The following NUP88 variants were observed in gnomAD, a reference collection of about 807,000 sequenced individuals.
The protein encoded by NUP88 is nuclear pore complex protein Nup88.
NUP88 carries 57 observed loss-of-function variants against 93.9 expected under a neutral mutation model. The ratio of observed to expected loss-of-function variants is 0.61; its 90% CI spans 0.49 to 0.76. The LOEUF (loss-of-function observed/expected upper bound fraction) is 0.76, where lower values mean the gene tolerates loss of function less well. Among genes scored for constraint, NUP88 ranks in the 30% least tolerant of loss-of-function variants. The pLI, the probability that NUP88 is intolerant of heterozygous loss-of-function variation, is 0.00. For missense variants in NUP88, 911 were observed against 901.0 expected, an observed-to-expected ratio of 1.01 and a Z score of -0.14; for synonymous variants, 346 against 336.8, an observed-to-expected ratio of 1.03 and a Z score of -0.30.
intron 6 of NUP88, 135 bp downstream of exon 6, chr17:5,404,922 T>C: frequency 2.4e-6 from 2 of 822,762 alleles, no homozygotes; most frequent in Non-Finnish European, 3.7e-6. Context: ...GCTACTTTTT[T>C]AACTGTTTAA....
chr17:5,387,304 GTAA>G, intron 14 of NUP88, 79 bp downstream of exon 14: 1 of 1,326,100 alleles, frequency 7.5e-7, no homozygotes, highest in Non-Finnish European at 1.1e-6. Context: ...CCGTAGGTAT[GTAA>G]GCACCTGCCA....
intron 4 of NUP88, among the ~76,000 whole-genome samples, chr17:5,409,811 G>A (rs928696536): frequency 2.0e-5 from 3 of 152,222 alleles, no homozygotes; most frequent in Admixed American, 6.5e-5. Flanking sequence ...GAAAGACTCT[G>A]ATAAGATATT....
At chr17:5,393,755 C>G (rs1912597485) in intron 9 of NUP88, among the ~76,000 whole-genome samples, 3 of 152,206 alleles carry the variant, frequency 2.0e-5, no homozygotes, top group African/African-American at 7.2e-5. Context: ...ACTTTTCAAG[C>G]TGGTACAGTT....
chr17:5,402,878 C>T (rs1415815680), intron 7 of NUP88, among the ~76,000 whole-genome samples: 1 of 152,114 alleles, frequency 6.6e-6, no homozygotes, highest in East Asian at 1.9e-4. Flanking sequence ...CCTGTAGTCC[C>T]AGCTACTCCA....
Position 5,387,012 on chromosome 17 carries a change from A to C in NUP88, c.2015T>G (p.Leu672Arg). 1 of 1,614,124 alleles carries C rather than the reference A, an allele frequency of 6.2e-7. No homozygotes were observed. The highest frequency in any genetic ancestry group is 1.3e-5 in the African/African-American group (1 of 75,048). ...KKELQLIPDQ[L>R]RHLGNAIKQV... ...TTTGATGGCATTGCCCAAATGTCGAAGTTGATCAGGTATCAGCTGTAATTC... is the reference window on the plus strand; with the variant it reads ...TTTGATGGCATTGCCCAAATGTCGACGTTGATCAGGTATCAGCTGTAATTC... The change falls in exon 15 of 17, where the codon CTT becomes CGT. Residue 672 changes from leucine to arginine, a missense_variant. Transcript: ENST00000573584.
intron 9 of NUP88, among the ~76,000 whole-genome samples, chr17:5,392,936 C>T (rs774668151): frequency 2.0e-5 from 3 of 151,788 alleles, no homozygotes; most frequent in Non-Finnish European, 4.4e-5. Context: ...ACCACAGGTA[C>T]ATGCTACCAC....
chr17:5,399,632 C>A lies in NUP88; in HGVS notation c.1211G>T (p.Arg404Ile). 3 of 1,599,106 alleles carry A rather than the reference C, an allele frequency of 1.9e-6. No individual in the cohort carries two copies. Among genetic ancestry groups the A allele is most frequent in the Non-Finnish European group, 2.6e-6 (3 of 1,169,042 alleles). ...KLHRDPKCPSRYHCTHEAGVH... is the reference protein window; with the variant it reads ...KLHRDPKCPSIYHCTHEAGVH... ...ACCAGCTTCATGAGTACAGTGATATCTTGAAGGACACTTGGGATCTGCAAA... is the reference window on the plus strand; with the variant it reads ...ACCAGCTTCATGAGTACAGTGATATATTGAAGGACACTTGGGATCTGCAAA... The change falls in exon 8 of 17, where the codon AGA becomes ATA. Residue 404 changes from arginine to isoleucine, a missense_variant. Coordinates refer to ENST00000573584, the MANE Select transcript of NUP88 (RefSeq NM_002532.6).
chr17:5,404,392 C>T (rs762680315), intron 6 of NUP88, 146 bp from the exon 7 acceptor site: 65 of 676,334 alleles, frequency 9.6e-5, no homozygotes, highest in Non-Finnish European at 1.5e-4. Flanking sequence ...GCAGGTGGAT[C>T]ATCTGAGGTC....
intron 8 of NUP88, among the ~76,000 whole-genome samples, chr17:5,398,589 C>G (rs1447371428): frequency 6.7e-6 from 1 of 149,594 alleles, no homozygotes; most frequent in African/African-American, 2.5e-5. Context: ...CTGTGCCTGG[C>G]CTAACTTTTT....
At chr17:5,406,556 G>A (rs1336066161) in intron 5 of NUP88, among the ~76,000 whole-genome samples, 1 of 152,154 alleles carries the variant, frequency 6.6e-6, no homozygotes, top group Non-Finnish European at 1.5e-5. Flanking sequence ...ACATGGAAGG[G>A]TCCAAAATGG....
rs1914163138 is a variant in NUP88, at chr17:5,416,589, G to A, written c.391C>T (p.Leu131Phe). 1.2e-6 allele frequency: 2 copies of A among 1,611,612 alleles called. No homozygotes were observed. The highest frequency in any genetic ancestry group is 1.7e-6 in the Non-Finnish European group (2 of 1,178,838). ...HHVALIGIKG[L>F]MVLELPKRWG... ...CTTTTAGGTAATTCTAATACCATAA[G>A]TCCTTTTATTCCTATAAGTGCTACA... Residue 131 changes from leucine (L) to phenylalanine (F), a missense_variant, in exon 2 of 17, where the codon CTT becomes TTT. Physicochemically the swap from Leu to Phe is conservative, Grantham distance 22 (BLOSUM62 0). Coordinates refer to ENST00000573584, the MANE Select transcript of NUP88 (RefSeq NM_002532.6).
At chr17:5,419,316 C>T (rs774899404) in intron 1 of NUP88, 38 bp downstream of exon 1, 1 of 1,515,320 alleles carries the variant, frequency 6.6e-7, no homozygotes, top group East Asian at 2.3e-5. Context: ...TGGTTCCGAT[C>T]CCGGTGAGGG....
intron 2 of NUP88, among the ~76,000 whole-genome samples, chr17:5,416,180 T>TATATATACACACAG (rs1374990658): frequency 9.3e-6 from 1 of 107,338 alleles, no homozygotes; most frequent in Non-Finnish European, 1.8e-5. Context: ...TATATATATA[T>TATATATACACACAG]ACACACATAC....
chr17:5,414,431 G>C (rs1914019932), intron 2 of NUP88, among the ~76,000 whole-genome samples: 1 of 151,928 alleles, frequency 6.6e-6, no homozygotes, highest in Non-Finnish European at 1.5e-5. Flanking sequence ...CCGACCTCAG[G>C]TGATCTGCCC....
chr17:5,411,221 G>C (rs1019007976), intron 3 of NUP88, among the ~76,000 whole-genome samples: 1 of 152,148 alleles, frequency 6.6e-6, no homozygotes, highest in Non-Finnish European at 1.5e-5. Context: ...CTGGCTGACA[G>C]AGTGAGTGAT....
rs919086076 is a variant in NUP88 at position 5,419,588 on chromosome 17, G to A, written c.63C>T (p.His21=). 6.2e-7 allele frequency: 1 copy of A among 1,607,366 alleles called. No homozygotes were observed. Among genetic ancestry groups the A allele is most frequent in the Non-Finnish European group, 8.5e-7 (1 of 1,175,644 alleles). ...CCTCCCGGAGCCGCAAGAACACGAC[G>A]TGGTTAGGAAGCCAGGTCTGCCACA... ...GELWQTWLPN[H]VVFLRLREGL... The change falls in exon 1 of 17, where the codon CAC becomes CAT. Residue 21 remains histidine (H), a synonymous_variant. Transcript: ENST00000573584.
In NUP88 at chr17:5,387,637, T is replaced by A. The variant is rs1175616080; in HGVS notation, c.1803A>T (p.Gln601His). The A allele has an allele frequency of 3.1e-6, 5 of 1,613,338 alleles. No individual in the cohort carries two copies. Among genetic ancestry groups the A allele is most frequent in the Non-Finnish European group, 4.2e-6 (5 of 1,179,680 alleles). The change falls in exon 13 of 17, where the codon CAA becomes CAT. Residue 601 changes from glutamine (Q) to histidine (H), a missense_variant. Physicochemically the swap from Gln to His is conservative, Grantham distance 24. Transcript: ENST00000573584. ...CTCGACAATAACTGAGATCTTCTAG[T>A]TGTTTCTTTTTTTGGTCACATAATA... ...VKLLCDQKKKQLEDLSYCREE... is the reference protein window; with the variant it reads ...VKLLCDQKKKHLEDLSYCREE...
At position 5,390,889 on chromosome 17, in the gene NUP88, TCTCA is replaced by T. The variant is rs573506695; in HGVS notation, c.1484+668_1484+671del. Among the ~76,000 whole-genome samples, 448 of 151,978 alleles carry T rather than the reference TCTCA, an allele frequency of 2.9e-3. 1 individual carries two copies. Among genetic ancestry groups the T allele is most frequent in the Middle Eastern group, 0.014 (4 of 294 alleles). The stretch of plus-strand genomic sequence containing the variant: ...TTTTTGTTTTTTGTAGAGATGGGGG[TCTCA>T]CTGTTTTGCCCAGGCTGATCTCGAA... On this transcript the variant is annotated intron_variant, in intron 10 of 16. Transcript: ENST00000573584.
At chr17:5,417,139 C>A (rs1042398190) in intron 1 of NUP88, among the ~76,000 whole-genome samples, 3 of 152,194 alleles carry the variant, frequency 2.0e-5, no homozygotes, top group African/African-American at 7.2e-5. Flanking sequence ...CCAGCTTACT[C>A]ATGCTTGCTT....
Sources: allele counts gnomAD v4.1 joint callset (sites outside exome capture counted in the v4.1 genomes callset), GRCh38; gene constraint gnomAD v4.1.1; transcripts MANE v1.5; gene names NCBI Gene and HGNC (gene_info 2026-07-23, HGNC 2026-07-21).